PIK3R3: variants seen among roughly 807,000 people sequenced by gnomAD.
PIK3R3 encodes phosphoinositide-3-kinase regulatory subunit 3, also known as phosphatidylinositol 3-kinase regulatory subunit gamma.
PIK3R3 carries 64 observed loss-of-function variants against 62.9 expected under a neutral mutation model. The observed-to-expected ratio is 1.02, with a 90% CI of 0.83 to 1.25. The LOEUF is 1.25. Among genes scored for constraint, PIK3R3 ranks in the 50% most tolerant of loss-of-function variants. The pLI is 0.00. For synonymous variants in PIK3R3, 165 were observed against 189.0 expected, an observed-to-expected ratio of 0.87 and a Z score of 1.04; for missense variants, 614 against 561.6, an observed-to-expected ratio of 1.09 and a Z score of -0.94.
chr1:46,045,368 C>G (rs1164444537), intron 9 of PIK3R3, among the ~76,000 whole-genome samples: 1 of 152,084 alleles, frequency 6.6e-6, no homozygotes, highest in African/African-American at 2.4e-5. Context: ...CTGACTGAAG[C>G]ACAGTTAGTT....
the PIK3R3 span, among the ~76,000 whole-genome samples, chr1:46,141,027 A>AT: frequency 2.7e-5 from 4 of 150,242 alleles, no homozygotes; most frequent in Non-Finnish European, 4.4e-5. Context: ...CACCTGGCTA[A>AT]TTTTTTTTTC....
intron 2 of PIK3R3, among the ~76,000 whole-genome samples, chr1:46,080,085 A>T (rs1239101189): frequency 1.3e-4 from 19 of 149,822 alleles, no homozygotes; most frequent in Non-Finnish European, 2.5e-4. Context: ...TTTAAGAGAC[A>T]GAGTCTCACT....
At chr1:46,151,532 C>T in the PIK3R3 span, among the ~76,000 whole-genome samples, 3 of 152,064 alleles carry the variant, frequency 2.0e-5, no homozygotes, top group Non-Finnish European at 4.4e-5. Flanking sequence ...TCACTTGGGC[C>T]AGGAGTTTGA....
chr1:46,090,839 C>G (rs144893666), intron 1 of PIK3R3, among the ~76,000 whole-genome samples: 13 of 152,252 alleles, frequency 8.5e-5, no homozygotes, highest in African/African-American at 3.1e-4. Context: ...GTCAGTCACA[C>G]TAGTAGACTG....
At chr1:46,063,091 TAA>T (rs1251045941) in intron 5 of PIK3R3, among the ~76,000 whole-genome samples, 1 of 152,206 alleles carries the variant, frequency 6.6e-6, no homozygotes, top group African/African-American at 2.4e-5. Context: ...TGAACTCTAA[TAA>T]GGTTTGGTTT....
intron 3 of PIK3R3, among the ~76,000 whole-genome samples, chr1:46,071,131 T>G (rs146847994): frequency 6.6e-6 from 1 of 152,202 alleles, no homozygotes; most frequent in East Asian, 1.9e-4. Flanking sequence ...CTTCTTAATA[T>G]TTCATCCTTC....
intron 3 of PIK3R3, among the ~76,000 whole-genome samples, chr1:46,075,937 G>A (rs1213401200): frequency 1.3e-5 from 2 of 152,204 alleles, no homozygotes; most frequent in Non-Finnish European, 2.9e-5. Context: ...ATAAGTCCTG[G>A]AGTCCAAAGG....
At chr1:46,051,480 C>T in intron 7 of PIK3R3, among the ~76,000 whole-genome samples, 2 of 151,974 alleles carry the variant, frequency 1.3e-5, no homozygotes, top group African/African-American at 2.4e-5. Context: ...AGGCTGGTCT[C>T]GAACTCCTGA....
intron 1 of PIK3R3, among the ~76,000 whole-genome samples, chr1:46,105,672 T>A (rs975297168): frequency 6.7e-6 from 1 of 150,332 alleles, no homozygotes; most frequent in African/African-American, 2.5e-5. Context: ...GATAGAAAAA[T>A]CAGTAGGGTG....
At chr1:46,079,434 C>T (rs1650372080) in intron 2 of PIK3R3, among the ~76,000 whole-genome samples, 1 of 152,086 alleles carries the variant, frequency 6.6e-6, no homozygotes. Flanking sequence ...TCAAATTCAC[C>T]CAGGGAATCT....
chr1:46,131,468 C>T (rs908057593), intron 1 of PIK3R3, among the ~76,000 whole-genome samples: 6 of 151,888 alleles, frequency 4.0e-5, no homozygotes, highest in Admixed American at 6.6e-5. Context: ...GTTTTAACCC[C>T]GGGATATAAA....
intron 1 of PIK3R3, among the ~76,000 whole-genome samples, chr1:46,130,793 C>G (rs955978654): frequency 1.3e-5 from 2 of 152,122 alleles, no homozygotes; most frequent in Non-Finnish European, 2.9e-5. Flanking sequence ...TCGACAGAAA[C>G]AAGGAGTCAC....
chr1:46,051,625 C>A (rs1647353198), intron 7 of PIK3R3, among the ~76,000 whole-genome samples: 1 of 152,088 alleles, frequency 6.6e-6, no homozygotes, highest in Non-Finnish European at 1.5e-5. Flanking sequence ...CTCATCAATT[C>A]CCTAAGCAGA....
rs1655677206 is a variant in PIK3R3 at position 46,132,241 on chromosome 1, A to G, written c.-289T>C. On this transcript the variant is annotated 5_prime_UTR_variant, in exon 1 of 10. Coordinates refer to ENST00000262741, the MANE Select transcript of PIK3R3 (RefSeq NM_003629.4). ...CAGAGGTGTTAAAAAGCGGCTTCCCAAAAATCCTTTCTACACAGTCGCTCT... is the reference window on the plus strand; with the variant it reads ...CAGAGGTGTTAAAAAGCGGCTTCCCGAAAATCCTTTCTACACAGTCGCTCT... The G allele has an allele frequency of 8.6e-7, 1 of 1,168,352 alleles. No homozygotes were observed. The highest frequency in any genetic ancestry group is 1.1e-6 in the Non-Finnish European group (1 of 940,736). 72.4% of individuals were successfully genotyped at this position (1,168,352 alleles called of 1,614,324 possible). A position where few individuals can be genotyped will look rare whatever the true frequency, so the allele number is the denominator to read the frequency against.
At chr1:46,049,657 A>G (rs1647207447) in intron 7 of PIK3R3, among the ~76,000 whole-genome samples, 1 of 152,220 alleles carries the variant, frequency 6.6e-6, no homozygotes, top group Admixed American at 6.5e-5. Context: ...GTCAAGAGGG[A>G]GGCACAAAGG....
At chr1:46,115,242 G>A (rs1654087130) in intron 1 of PIK3R3, among the ~76,000 whole-genome samples, 1 of 151,958 alleles carries the variant, frequency 6.6e-6, no homozygotes. Context: ...CCATGCCAGG[G>A]GCCCTCACTC....
At chr1:46,105,878 G>A (rs1557615796) in intron 1 of PIK3R3, among the ~76,000 whole-genome samples, 1 of 151,950 alleles carries the variant, frequency 6.6e-6, no homozygotes, top group Non-Finnish European at 1.5e-5. Context: ...ATAAAAAACA[G>A]CTCATAATTG....
chr1:46,093,869 A>C (rs1285474940), intron 1 of PIK3R3, among the ~76,000 whole-genome samples: 1 of 151,510 alleles, frequency 6.6e-6, no homozygotes, highest in East Asian at 1.9e-4. Context: ...AAAAAAAAAA[A>C]AACATCCTAG....
chr1:46,169,870 T>A, the PIK3R3 span, among the ~76,000 whole-genome samples: 1 of 152,238 alleles, frequency 6.6e-6, no homozygotes, highest in Admixed American at 6.5e-5. Flanking sequence ...GTTTGCTGAA[T>A]AACCAGCCCC....
Sources: gnomAD v4.1 joint callset for allele counts (sites outside exome capture counted in the v4.1 genomes callset) on GRCh38, gnomAD v4.1.1 for gene constraint, MANE v1.5 for transcripts, NCBI Gene and HGNC (gene_info 2026-07-23, HGNC 2026-07-21) for gene names.